The following PPM1H variants were observed in gnomAD, a reference collection of about 807,000 sequenced individuals.
PPM1H encodes the protein protein phosphatase, Mg2+/Mn2+ dependent 1H.
Under a neutral mutation model 54.9 loss-of-function variants are expected in PPM1H, and 27 were observed. That is an observed-to-expected ratio of 0.49 (90% CI 0.36 to 0.68). The LOEUF is 0.68. Among genes scored for constraint, PPM1H ranks in the 30% least tolerant of loss-of-function variants. PPM1H has a pLI of 0.00. For synonymous variants in PPM1H, 305 were observed against 270.8 expected, an observed-to-expected ratio of 1.13 and a Z score of -1.24; for missense variants, 596 against 667.8, an observed-to-expected ratio of 0.89 and a Z score of 1.19.
At chr12:62,767,743 C>A (rs1250079149) in intron 4 of PPM1H, among the ~76,000 whole-genome samples, 1 of 152,166 alleles carries the variant, frequency 6.6e-6, no homozygotes, top group Non-Finnish European at 1.5e-5. Flanking sequence ...AGTCTGGAAG[C>A]CTGAAATCAA....
At chr12:62,682,579 G>A (rs1031929167) in intron 8 of PPM1H, among the ~76,000 whole-genome samples, 2 of 152,158 alleles carry the variant, frequency 1.3e-5, no homozygotes, top group Non-Finnish European at 2.9e-5. Context: ...ATAGCTCAAG[G>A]CAGCCTTGAA....
rs149396643 is a variant in PPM1H, at chr12:62,648,069, C to T, written c.*420G>A. 308 of 155,876 alleles carry T rather than the reference C, an allele frequency of 2.0e-3. No individual in the cohort carries two copies. Among genetic ancestry groups the T allele is most frequent in the African/African-American group, 6.9e-3 (289 of 41,710 alleles). 9.7% of individuals were successfully genotyped at this position (155,876 alleles called of 1,614,324 possible). A position where few individuals can be genotyped will look rare whatever the true frequency, so the allele number is the denominator to read the frequency against. On this transcript the variant is annotated 3_prime_UTR_variant, in exon 10 of 10. Transcript: ENST00000228705. ...CACTTACTTACATTTTGAGGCATGA[C>T]CCCCTACTTTCCAATGCAGCACTTT...
chr12:62,822,053 G>T (rs1415165816), intron 2 of PPM1H, among the ~76,000 whole-genome samples: 1 of 151,938 alleles, frequency 6.6e-6, no homozygotes, highest in African/African-American at 2.4e-5. Flanking sequence ...ATAAAGGTAT[G>T]CAGGAAGATC....
Position 62,645,919 on chromosome 12 carries a change from A to G in PPM1H, c.*2570T>C, listed in dbSNP as rs1227292030. The G allele has an allele frequency of 6.6e-6, 1 of 152,214 alleles. No individual in the cohort carries two copies. The highest frequency in any genetic ancestry group is 1.5e-5 in the Non-Finnish European group (1 of 68,040). 9.4% of individuals were successfully genotyped at this position (152,214 alleles called of 1,614,324 possible). ...CCAGGGGCCAACCCGTTATGTAGAC[A>G]CGGTTACTGTTTTAGGACTGGGTGA... On this transcript the variant is annotated 3_prime_UTR_variant, in exon 10 of 10. Transcript: ENST00000228705.
At chr12:62,900,598 TAA>T (rs111525770) in intron 1 of PPM1H, among the ~76,000 whole-genome samples, 59 of 136,672 alleles carry the variant, frequency 4.3e-4, no homozygotes, top group Non-Finnish European at 5.1e-4. Flanking sequence ...TACCAGTAGT[TAA>T]AAAAAAAAAA....
chr12:62,850,197 G>A (rs1869127634), intron 1 of PPM1H, among the ~76,000 whole-genome samples: 1 of 152,094 alleles, frequency 6.6e-6, no homozygotes, highest in Non-Finnish European at 1.5e-5. Context: ...AAACTCCTGG[G>A]CTCAAGCAAT....
intron 2 of PPM1H, among the ~76,000 whole-genome samples, chr12:62,820,081 C>T (rs2076893421): frequency 6.6e-6 from 1 of 152,258 alleles, no homozygotes; most frequent in Non-Finnish European, 1.5e-5. Flanking sequence ...AAATACTGCG[C>T]TTTTCCAATG....
At chr12:62,781,090 C>T (rs536989922) in intron 4 of PPM1H, among the ~76,000 whole-genome samples, 199 of 152,266 alleles carry the variant, frequency 1.3e-3, no homozygotes, top group African/African-American at 4.6e-3. Flanking sequence ...ACGAAAAGTC[C>T]GCACGGGGGC....
At chr12:62,732,514 G>A (rs2120506686) in intron 5 of PPM1H, among the ~76,000 whole-genome samples, 1 of 152,012 alleles carries the variant, frequency 6.6e-6, no homozygotes, top group Non-Finnish European at 1.5e-5. Context: ...AACAGACCTG[G>A]GACTGCAGAC....
intron 4 of PPM1H, chr12:62,755,980 A>C: frequency 8.1e-7 from 1 of 1,234,680 alleles, no homozygotes; most frequent in East Asian, 2.4e-5. Flanking sequence ...GTCTGGAAAA[A>C]CTGCCAAATA....
In PPM1H at chr12:62,755,068, CA is replaced by C. The variant is rs1294347387; in HGVS notation, c.870-17483del. On this transcript the variant is annotated intron_variant, in intron 4 of 9. Coordinates refer to ENST00000228705, the MANE Select transcript of PPM1H (RefSeq NM_020700.2). ...GGAGCGACCTGGATGATGAGAGGCTCAAGCCAGTGATCGTCTTTGGATGGTG... is the reference window on the plus strand; with the variant it reads ...GGAGCGACCTGGATGATGAGAGGCTCAGCCAGTGATCGTCTTTGGATGGTG... 2.6e-5 allele frequency among the ~76,000 whole-genome samples: 4 copies of C among 152,194 alleles called. No homozygotes were observed. The East Asian group carries it at 7.7e-4, about 29-fold the overall frequency.
At chr12:62,670,079 G>A (rs577421507) in intron 8 of PPM1H, among the ~76,000 whole-genome samples, 18 of 135,992 alleles carry the variant, frequency 1.3e-4, no homozygotes, top group Non-Finnish European at 2.7e-4. Context: ...CCAGGTTGAA[G>A]CGATTCTCCT....
rs142460792 is a variant in PPM1H at position 62,789,829 on chromosome 12, A to G, written c.757-1491T>C. On this transcript the variant is annotated intron_variant, in intron 3 of 9. Transcript: ENST00000228705. The stretch of plus-strand genomic sequence containing the variant: ...GAATTGATATTAAAAATAGACCAAC[A>G]CTGGCATCATCAAGACAGATACCTG... Among the ~76,000 whole-genome samples the G allele has an allele frequency of 2.5e-3, 383 of 152,322 alleles. 1 individual carries two copies. Among genetic ancestry groups the G allele is most frequent in the African/African-American group, 8.0e-3 (332 of 41,566 alleles).
Position 62,832,095 on chromosome 12 carries a change from G to A in PPM1H, c.411+19C>T. The A allele has an allele frequency of 6.2e-7, 1 of 1,611,770 alleles. No individual in the cohort carries two copies. The highest frequency in any genetic ancestry group is 8.5e-7 in the Non-Finnish European group (1 of 1,178,114). On this transcript the variant is annotated intron_variant, in intron 2 of 9. Coordinates refer to ENST00000228705, the MANE Select transcript of PPM1H (RefSeq NM_020700.2). ...GCCATTCTTCTCACCTGAGAACCAA[G>A]GATCGAGAAGGGTCTTACCGAGTTC... is the stretch of plus-strand genomic sequence containing the variant.
intron 8 of PPM1H, among the ~76,000 whole-genome samples, chr12:62,679,124 C>T (rs2076004432): frequency 1.3e-5 from 2 of 151,750 alleles, no homozygotes; most frequent in African/African-American, 4.8e-5. Flanking sequence ...GTAGCTGGGA[C>T]TACAGGCACA....
chr12:62,756,616 TA>T (rs1490066119), intron 4 of PPM1H, among the ~76,000 whole-genome samples: 29 of 152,052 alleles, frequency 1.9e-4, no homozygotes, highest in African/African-American at 6.8e-4. Flanking sequence ...CAGGGAATAC[TA>T]AGACTCAGGT....
chr12:62,838,827 A>T (rs930858463), intron 1 of PPM1H, among the ~76,000 whole-genome samples: 1 of 121,432 alleles, frequency 8.2e-6, no homozygotes, highest in Non-Finnish European at 1.7e-5. Flanking sequence ...AGGCTGAGGC[A>T]GGAGAATGGC....
chr12:62,891,169 G>C (rs1473888350), intron 1 of PPM1H, among the ~76,000 whole-genome samples: 1 of 149,424 alleles, frequency 6.7e-6, no homozygotes, highest in Non-Finnish European at 1.5e-5. Context: ...CCTTAAAAGT[G>C]ATGTAAGTTC....
At chr12:62,728,547 C>G (rs180828026) in intron 5 of PPM1H, among the ~76,000 whole-genome samples, 28 of 152,290 alleles carry the variant, frequency 1.8e-4, no homozygotes, top group African/African-American at 6.7e-4. Context: ...GGAGACATAA[C>G]AGGAGGGAAC....
Sources: gnomAD v4.1 joint callset for allele counts (sites outside exome capture counted in the v4.1 genomes callset) on GRCh38, gnomAD v4.1.1 for gene constraint, MANE v1.5 for transcripts, NCBI Gene and HGNC (gene_info 2026-07-23, HGNC 2026-07-21) for gene names.